HEPACAM2: variants seen among roughly 807,000 people sequenced by gnomAD.
HEPACAM2 encodes mitotic kinetics regulator.
In HEPACAM2, 49 loss-of-function variants were observed where a neutral mutation model predicts 49.6. The ratio of observed to expected loss-of-function variants is 0.99; its 90% CI spans 0.78 to 1.25. HEPACAM2 has a LOEUF of 1.25. Among genes scored for constraint, HEPACAM2 ranks in the 50% most tolerant of loss-of-function variants. The pLI, the probability that HEPACAM2 is intolerant of heterozygous loss-of-function variation, is 0.00. For missense variants in HEPACAM2, 525 were observed against 557.2 expected, an observed-to-expected ratio of 0.94 and a Z score of 0.58; for synonymous variants, 197 against 202.9, an observed-to-expected ratio of 0.97 and a Z score of 0.25.
At chr7:93,189,311 ATTT>A (rs1236684964) in intron 9 of HEPACAM2, 41 bp from the exon 10 acceptor site, 1 of 1,492,534 alleles carries the variant, frequency 6.7e-7, no homozygotes. Flanking sequence ...AGTTCTATAG[ATTT>A]TTCAGGTCTG....
chr7:93,192,714 T>A (rs112322386), intron 8 of HEPACAM2, among the ~76,000 whole-genome samples: 2 of 152,146 alleles, frequency 1.3e-5, no homozygotes, highest in African/African-American at 4.8e-5. Context: ...TATATCATTA[T>A]CTTTTCTATA....
At chr7:93,205,859 A>G (rs1171571127) in intron 4 of HEPACAM2, among the ~76,000 whole-genome samples, 1 of 152,172 alleles carries the variant, frequency 6.6e-6, no homozygotes, top group African/African-American at 2.4e-5. Flanking sequence ...AGCCACAAAG[A>G]GGTCACTAAT....
chr7:93,212,926 A>T (rs1794211971), intron 3 of HEPACAM2, among the ~76,000 whole-genome samples: 1 of 152,064 alleles, frequency 6.6e-6, no homozygotes, highest in South Asian at 2.1e-4. Context: ...ATTATGGTTT[A>T]CTTTCTTGCC....
At chr7:93,200,014 G>C (rs992085551) in intron 4 of HEPACAM2, among the ~76,000 whole-genome samples, 7 of 151,868 alleles carry the variant, frequency 4.6e-5, no homozygotes, top group African/African-American at 1.7e-4. Flanking sequence ...ATTCTTGTTA[G>C]AGGGCAATCC....
At chr7:93,204,017 C>T (rs886713379) in intron 4 of HEPACAM2, among the ~76,000 whole-genome samples, 2 of 152,112 alleles carry the variant, frequency 1.3e-5, no homozygotes, top group Admixed American at 1.3e-4. Context: ...TTTCCAAAGA[C>T]CCAAAGTGAA....
chr7:93,195,837 A>G lies in HEPACAM2; in HGVS notation c.1266T>C (p.Gly422=), dbSNP rs758780039. 9 of 1,612,506 alleles carry G rather than the reference A, an allele frequency of 5.6e-6. No homozygotes were observed. The African/African-American group carries it at 1.2e-4, about 22-fold the overall frequency. ...CACTAGGAAAACCAACCCTGGAAAC[A>G]CCAGAAACATCTGGAAAAGCAACAA... is the stretch of plus-strand genomic sequence containing the variant. The part of the protein sequence containing the change: ...YEFVAFPDVS[G]VSRIPSRSVP... The change falls in exon 8 of 10, where the codon GGT becomes GGC. Residue 422 remains glycine (G), a synonymous_variant. Transcript: ENST00000394468.
chr7:93,193,916 G>A (rs531501733), intron 8 of HEPACAM2, among the ~76,000 whole-genome samples: 1 of 152,134 alleles, frequency 6.6e-6, no homozygotes, highest in South Asian at 2.1e-4. Flanking sequence ...GGCTTCTCAT[G>A]CAGATCCTCC....
intron 3 of HEPACAM2, among the ~76,000 whole-genome samples, chr7:93,210,372 A>G (rs1030364133): frequency 6.6e-6 from 1 of 152,020 alleles, no homozygotes; most frequent in Non-Finnish European, 1.5e-5. Context: ...GCCCATGGTC[A>G]TATAGCTATT....
rs530124640 is a variant in HEPACAM2, at chr7:93,202,705, G to A, written c.1013-5095C>T. ...TGCTGAAAAACACTTGAGTAGTCTC[G>A]GCTGTTTTTTCCCTCTTAAACTTGA... is the stretch of plus-strand genomic sequence containing the variant. On this transcript the variant is annotated intron_variant, in intron 4 of 9. Coordinates refer to ENST00000394468, the MANE Select transcript of HEPACAM2 (RefSeq NM_001039372.4). 3.9e-5 allele frequency among the ~76,000 whole-genome samples: 6 copies of A among 152,152 alleles called. No homozygotes were observed. In the South Asian group the frequency reaches 8.3e-4, roughly 21 times the overall value.
chr7:93,197,741 G>T, intron 4 of HEPACAM2, 131 bp from the exon 5 acceptor site: 1 of 591,494 alleles, frequency 1.7e-6, no homozygotes, highest in Non-Finnish European at 2.9e-6. Context: ...GACACACAGA[G>T]AGAGAGAGAG....
intron 4 of HEPACAM2, among the ~76,000 whole-genome samples, chr7:93,203,002 C>T (rs1396679253): frequency 6.6e-6 from 1 of 152,084 alleles, no homozygotes; most frequent in African/African-American, 2.4e-5. Context: ...TTCCTTCCTC[C>T]ATTACTTCCT....
chr7:93,203,119 AC>A (rs1303430078), intron 4 of HEPACAM2, among the ~76,000 whole-genome samples: 1 of 151,992 alleles, frequency 6.6e-6, no homozygotes, highest in Non-Finnish European at 1.5e-5. Context: ...TCAGCCCAAA[AC>A]CACGGCTGTG....
At chr7:93,218,623 G>A (rs138121635) in intron 2 of HEPACAM2, among the ~76,000 whole-genome samples, 88 of 152,216 alleles carry the variant, frequency 5.8e-4, no homozygotes, top group Non-Finnish European at 7.2e-4. Flanking sequence ...GTGTCTGAAA[G>A]TTAGCTGACC....
intron 7 of HEPACAM2, among the ~76,000 whole-genome samples, chr7:93,196,775 G>A (rs927273417): frequency 1.3e-5 from 2 of 152,108 alleles, no homozygotes; most frequent in Admixed American, 1.3e-4. Context: ...TGATAATGAG[G>A]GTTACAGTGG....
upstream of HEPACAM2, among the ~76,000 whole-genome samples, chr7:93,229,768 TTAAAAA>T (rs374811691): frequency 1.3e-5 from 2 of 152,326 alleles, no homozygotes; most frequent in African/African-American, 4.8e-5. Context: ...TGAATAAATC[TTAAAAA>T]TAAATACCTT....
chr7:93,221,441 T>C (rs1794448818), intron 1 of HEPACAM2, among the ~76,000 whole-genome samples: 1 of 152,194 alleles, frequency 6.6e-6, no homozygotes, highest in African/African-American at 2.4e-5. Flanking sequence ...CTGTTTGCCT[T>C]TTGTGATTAT....
At chr7:93,208,449 A>G (rs897306015) in intron 4 of HEPACAM2, 131 bp downstream of exon 4, 1 of 798,130 alleles carries the variant, frequency 1.3e-6, no homozygotes, top group African/African-American at 1.8e-5. Flanking sequence ...AACTTTGGAA[A>G]GAGAGATTTT....
At chr7:93,219,574 T>C in intron 1 of HEPACAM2, 123 bp from the exon 2 acceptor site, 1 of 1,522,370 alleles carries the variant, frequency 6.6e-7, no homozygotes, top group Non-Finnish European at 8.8e-7. Flanking sequence ...TTCTAGGTAC[T>C]GACTATTCTA....
At chr7:93,230,800 A>G (rs747964146), upstream of HEPACAM2, among the ~76,000 whole-genome samples, 3 of 152,246 alleles carry the variant, frequency 2.0e-5, no homozygotes, top group Non-Finnish European at 2.9e-5. Context: ...GGTTAGAAAT[A>G]ACAGAGTCAG....
Sources: gnomAD v4.1 joint callset for allele counts (sites outside exome capture counted in the v4.1 genomes callset) on GRCh38, gnomAD v4.1.1 for gene constraint, MANE v1.5 for transcripts, NCBI Gene and HGNC (gene_info 2026-07-23, HGNC 2026-07-21) for gene names.